Variants in COL25A1 observed in about 807,000 individuals in gnomAD.
The protein encoded by COL25A1 is collagen type XXV alpha 1 chain.
In COL25A1, 103 loss-of-function variants were observed where a neutral mutation model predicts 128.4. The observed-to-expected ratio is 0.80, with a 90% CI of 0.68 to 0.94. The LOEUF is 0.94. Ranked by LOEUF, COL25A1 falls within the 40% of genes least tolerant of loss-of-function variation. The pLI is 0.00. For missense variants in COL25A1, 745 were observed against 840.0 expected (o/e 0.89, Z 1.40); for synonymous variants, 279 against 277.2 (o/e 1.01, Z -0.06).
At position 109,131,164 on chromosome 4, in the gene COL25A1, TG is replaced by T. The variant is rs529307638; in HGVS notation, c.368-80986del. ...AATAATTTTAAAATCTCATCAGTAA[TG>T]TTTTTGTTGGTTGCTTATTGAAAAG... On this transcript the variant is annotated intron_variant, in intron 3 of 37. Coordinates refer to ENST00000399132, the MANE Select transcript of COL25A1 (RefSeq NM_198721.4). 8.1e-3 allele frequency among the ~76,000 whole-genome samples: 1,231 copies of T among 151,256 alleles called. 4 individuals are homozygous for T. The highest frequency in any genetic ancestry group is 0.018 in the South Asian group (87 of 4,822).
At chr4:109,126,754 T>C (rs1339075888) in intron 3 of COL25A1, among the ~76,000 whole-genome samples, 2 of 152,134 alleles carry the variant, frequency 1.3e-5, no homozygotes, top group Non-Finnish European at 2.9e-5. Context: ...CAACTTATGT[T>C]TTCCCCAACT....
At chr4:108,820,296 C>T (rs1731646044) in intron 35 of COL25A1, among the ~76,000 whole-genome samples, 1 of 152,130 alleles carries the variant, frequency 6.6e-6, no homozygotes, top group Non-Finnish European at 1.5e-5. Context: ...ATTTTCAATA[C>T]CTGTCACCTT....
At chr4:108,988,603 C>T (rs982767419) in intron 6 of COL25A1, among the ~76,000 whole-genome samples, 1 of 152,200 alleles carries the variant, frequency 6.6e-6, no homozygotes, top group Non-Finnish European at 1.5e-5. Flanking sequence ...ACATTTTTGG[C>T]TCCTGTTTCC....
At chr4:109,015,695 G>C (rs1757144122) in intron 5 of COL25A1, among the ~76,000 whole-genome samples, 1 of 152,144 alleles carries the variant, frequency 6.6e-6, no homozygotes, top group South Asian at 2.1e-4. Flanking sequence ...CTGGTAATCA[G>C]AACAGCAAAA....
At chr4:109,035,518 G>A (rs947442657) in intron 5 of COL25A1, among the ~76,000 whole-genome samples, 3 of 152,024 alleles carry the variant, frequency 2.0e-5, no homozygotes, top group South Asian at 2.1e-4. Flanking sequence ...AGAAATGACC[G>A]GGGTACTTTA....
At chr4:109,070,102 A>T (rs1288223897) in intron 3 of COL25A1, among the ~76,000 whole-genome samples, 3 of 151,760 alleles carry the variant, frequency 2.0e-5, no homozygotes, top group East Asian at 1.9e-4. Flanking sequence ...TAAAAATATA[A>T]AAAAAAACTA....
chr4:108,934,890 GATAATA>G (rs1001140669), intron 11 of COL25A1, among the ~76,000 whole-genome samples: 1 of 152,084 alleles, frequency 6.6e-6, no homozygotes, highest in Non-Finnish European at 1.5e-5. Context: ...ACAATTGAGT[GATAATA>G]ATAATAACAT....
At chr4:109,186,220 G>A (rs1775119625) in intron 3 of COL25A1, among the ~76,000 whole-genome samples, 1 of 152,054 alleles carries the variant, frequency 6.6e-6, no homozygotes, top group South Asian at 2.1e-4. Context: ...TCCAATTCTT[G>A]GTCGACTCTC....
intron 20 of COL25A1, among the ~76,000 whole-genome samples, chr4:108,866,198 CTT>C (rs35781275): frequency 0.47 from 59,961 of 128,338 alleles, 12,524 homozygotes; most frequent in East Asian, 0.9. Context: ...TCTTTTCTTT[CTT>C]TTTTTTTTTT....
chr4:109,278,307 T>A (rs1020745956), intron 3 of COL25A1, among the ~76,000 whole-genome samples: 1 of 152,210 alleles, frequency 6.6e-6, no homozygotes, highest in Admixed American at 6.5e-5. Flanking sequence ...GTTCAGTGAT[T>A]ATATCCTTTG....
At chr4:108,820,501 A>G (rs7673374) in intron 35 of COL25A1, among the ~76,000 whole-genome samples, 94,458 of 152,014 alleles carry the variant, frequency 0.62, 29,585 homozygotes, top group South Asian at 0.74. Flanking sequence ...CTTTTGTTAC[A>G]GCAAAACTTT....
At chr4:108,825,595 T>G (rs1163679406) in intron 33 of COL25A1, among the ~76,000 whole-genome samples, 1 of 152,178 alleles carries the variant, frequency 6.6e-6, no homozygotes, top group Non-Finnish European at 1.5e-5. Flanking sequence ...TCTACTGATG[T>G]TTAAAGCTTG....
At chr4:108,872,691 TAC>T (rs34351573) in intron 19 of COL25A1, among the ~76,000 whole-genome samples, 68,643 of 150,864 alleles carry the variant, frequency 0.45, 16,799 homozygotes, top group African/African-American at 0.57. Context: ...GATATATATA[TAC>T]ACACACACAC....
At chr4:108,903,598 T>C (rs1743112920) in intron 13 of COL25A1, among the ~76,000 whole-genome samples, 2 of 152,074 alleles carry the variant, frequency 1.3e-5, no homozygotes, top group African/African-American at 4.8e-5. Context: ...AATTTAATTA[T>C]GATTAATTAT....
intron 8 of COL25A1, among the ~76,000 whole-genome samples, chr4:108,956,494 C>T (rs1024028907): frequency 4.6e-5 from 7 of 152,208 alleles, no homozygotes; most frequent in African/African-American, 1.7e-4. Context: ...CAAACTCCAC[C>T]TCCCAGGTTC....
At chr4:109,140,827 T>C (rs1225738843) in intron 3 of COL25A1, among the ~76,000 whole-genome samples, 1 of 152,202 alleles carries the variant, frequency 6.6e-6, no homozygotes, top group Non-Finnish European at 1.5e-5. Flanking sequence ...CATAAAGAGA[T>C]TTGGGGCTGA....
intron 5 of COL25A1, among the ~76,000 whole-genome samples, chr4:109,036,961 T>C (rs1171873886): frequency 1.3e-5 from 2 of 152,190 alleles, no homozygotes; most frequent in Non-Finnish European, 1.5e-5. Context: ...AGTATGTGTG[T>C]CTACTACAGT....
chr4:109,115,689 T>C (rs948790966), intron 3 of COL25A1, among the ~76,000 whole-genome samples: 1 of 152,016 alleles, frequency 6.6e-6, no homozygotes, highest in Non-Finnish European at 1.5e-5. Context: ...AAAAGAAGTG[T>C]AACTTTTCTA....
chr4:109,228,296 G>A (rs1778939114), intron 3 of COL25A1, among the ~76,000 whole-genome samples: 1 of 152,062 alleles, frequency 6.6e-6, no homozygotes, highest in Non-Finnish European at 1.5e-5. Flanking sequence ...TCCAGTCAAA[G>A]TAAAATTAAG....
Sources: allele counts gnomAD v4.1 joint callset (sites outside exome capture counted in the v4.1 genomes callset), GRCh38; gene constraint gnomAD v4.1.1; transcripts MANE v1.5; gene names NCBI Gene and HGNC (gene_info 2026-07-23, HGNC 2026-07-21).